NRDE2: variants seen among roughly 807,000 people sequenced by gnomAD.
NRDE2 encodes the protein NRDE-2, necessary for RNA interference, domain containing, also known as nuclear exosome regulator NRDE2.
Under a neutral mutation model 124.2 loss-of-function variants are expected in NRDE2, and 76 were observed. The ratio of observed to expected loss-of-function variants is 0.61; its 90% confidence interval spans 0.51 to 0.74. The LOEUF (loss-of-function observed/expected upper bound fraction) is 0.74. NRDE2 is among the 30% of genes least tolerant of loss of function. NRDE2 has a pLI of 0.00. For missense variants in NRDE2, 1,314 were observed against 1,417.3 expected (o/e 0.93, Z 1.17); for synonymous variants, 489 against 528.1 (o/e 0.93, Z 1.01).
At chr14:90,319,482 A>T (rs1442914785) in intron 1 of NRDE2, among the ~76,000 whole-genome samples, 1 of 152,072 alleles carries the variant, frequency 6.6e-6, no homozygotes, top group Non-Finnish European at 1.5e-5. Flanking sequence ...CACTCCTATC[A>T]CCCACCTCCT....
chr14:90,303,819 TTGTA>T (rs1488133981), intron 5 of NRDE2, 112 bp downstream of exon 5: 3 of 896,138 alleles, frequency 3.3e-6, no homozygotes, highest in Non-Finnish European at 5.2e-6. Context: ...CTAATAATCT[TTGTA>T]TGCCCAGTGT....
intron 1 of NRDE2, among the ~76,000 whole-genome samples, chr14:90,325,971 AT>A (rs1367473325): frequency 6.6e-6 from 1 of 152,014 alleles, no homozygotes; most frequent in Non-Finnish European, 1.5e-5. Flanking sequence ...ACTATTTTAC[AT>A]TTTTATAACA....
chr14:90,303,849 G>C lies in NRDE2; in HGVS notation c.1005+86C>G, dbSNP rs1386667992. 3 of 1,209,382 alleles carry C rather than the reference G, an allele frequency of 2.5e-6. No homozygotes were observed. In the East Asian group the frequency reaches 7.0e-5, roughly 28 times the overall value. 74.9% of individuals were successfully genotyped at this position (1,209,382 alleles called of 1,614,324 possible). A position where few individuals can be genotyped will look rare whatever the true frequency, so the allele number is the denominator to read the frequency against. ...TGCCCAGTGTCAAATTTCCTCATTTGCTCAAAAATTGCTGCACAGTCCATC... is the reference window on the plus strand; with the variant it reads ...TGCCCAGTGTCAAATTTCCTCATTTCCTCAAAAATTGCTGCACAGTCCATC... On this transcript the variant is annotated intron_variant, in intron 5 of 13. Coordinates refer to ENST00000354366, the MANE Select transcript of NRDE2 (RefSeq NM_017970.4).
Position 90,310,386 on chromosome 14 carries a change from A to G in NRDE2, c.557+2008T>C, listed in dbSNP as rs377693577. Reference sequence around the variant, plus strand: ...AACCTCTCTGCGATTCCTTTTCCTCATTTGTAAAATGAAGAGGGTTCTCCT... The same window carrying G: ...AACCTCTCTGCGATTCCTTTTCCTCGTTTGTAAAATGAAGAGGGTTCTCCT... On this transcript the variant is annotated intron_variant, in intron 4 of 13. Transcript: ENST00000354366. Among the ~76,000 whole-genome samples, 7 of 152,212 alleles carry G rather than the reference A, an allele frequency of 4.6e-5. No homozygotes were observed. In the East Asian group the frequency reaches 9.6e-4, roughly 21 times the overall value.
intron 3 of NRDE2, among the ~76,000 whole-genome samples, chr14:90,314,306 CT>C (rs1211640105): frequency 1.3e-5 from 2 of 152,216 alleles, no homozygotes; most frequent in African/African-American, 4.8e-5. Context: ...TCACAATTCA[CT>C]AATATTGTAG....
intron 12 of NRDE2, among the ~76,000 whole-genome samples, chr14:90,283,253 T>G (rs1892004705): frequency 6.6e-6 from 1 of 152,190 alleles, no homozygotes; most frequent in East Asian, 1.9e-4. Context: ...AATACTACCT[T>G]TCCAAAAAGA....
intron 1 of NRDE2, among the ~76,000 whole-genome samples, chr14:90,326,500 C>CAAAA (rs10684490): frequency 1.3e-5 from 1 of 78,832 alleles, no homozygotes; most frequent in South Asian, 4.5e-4. Context: ...GACTCTGTCT[C>CAAAA]AAAAAAAAAA....
In NRDE2 at chr14:90,301,228, G is replaced by C. The variant is rs753629409; in HGVS notation, c.1545+11C>G. 45 of 1,613,140 alleles carry C rather than the reference G, an allele frequency of 2.8e-5. No individual in the cohort carries two copies. Among genetic ancestry groups the C allele is most frequent in the Non-Finnish European group, 3.4e-5 (40 of 1,179,502 alleles). On this transcript the variant is annotated intron_variant, in intron 7 of 13. Coordinates refer to ENST00000354366, the MANE Select transcript of NRDE2 (RefSeq NM_017970.4). ...CAGGAAGAGAGAGATGAGGCGAGCA[G>C]AGCTGGGTACCTGTCCTTTGGTAGG...
rs1446533652 is a variant in NRDE2 at position 90,301,190 on chromosome 14, C to G, written c.1545+49G>C. ...TTATCCACACCTTCCCCCTCTCCCT[C>G]CAGAGAAAGAGCCAGGAAGAGAGAG... On this transcript the variant is annotated intron_variant, in intron 7 of 13. Transcript: ENST00000354366. The G allele has an allele frequency of 3.1e-6, 5 of 1,597,316 alleles. No homozygotes were observed. In the African/African-American group the frequency reaches 4.0e-5, roughly 13 times the overall value.
At chr14:90,295,306 TATA>T (rs759206727) in intron 8 of NRDE2, among the ~76,000 whole-genome samples, 17 of 152,200 alleles carry the variant, frequency 1.1e-4, no homozygotes, top group South Asian at 2.1e-4. Context: ...GTATACGTAG[TATA>T]ATAATAATAT....
At chr14:90,278,807 T>A in intron 13 of NRDE2, 1 of 558,514 alleles carries the variant, frequency 1.8e-6, no homozygotes, top group Non-Finnish European at 3.2e-6. Context: ...TGGGCTGGAC[T>A]CTGACCAAAT....
chr14:90,315,272 G>A (rs1323182064), intron 3 of NRDE2, among the ~76,000 whole-genome samples: 1 of 151,274 alleles, frequency 6.6e-6, no homozygotes, highest in Non-Finnish European at 1.5e-5. Flanking sequence ...TTGGGAGGCT[G>A]AGGCATGAGA....
intron 1 of NRDE2, among the ~76,000 whole-genome samples, chr14:90,319,506 G>A (rs927118065): frequency 4.1e-5 from 6 of 147,748 alleles, no homozygotes; most frequent in South Asian, 2.3e-4. Context: ...TCCCTGCCCC[G>A]CCCACCTCAC....
intron 4 of NRDE2, 57 bp downstream of exon 4, chr14:90,312,337 C>T (rs1282914603): frequency 1.4e-5 from 22 of 1,563,220 alleles, no homozygotes; most frequent in African/African-American, 1.2e-4. Flanking sequence ...AAGAGAGTTC[C>T]GAGGAGAAAA....
Position 90,271,561 on chromosome 14 carries a change from T to G in NRDE2, c.*6775A>C, listed in dbSNP as rs187232848. The G allele has an allele frequency of 6.6e-6, 1 of 152,340 alleles. No individual in the cohort carries two copies. Among genetic ancestry groups the G allele is most frequent in the Non-Finnish European group, 1.5e-5 (1 of 68,040 alleles). 9.4% of individuals were successfully genotyped at this position (152,340 alleles called of 1,614,324 possible). On this transcript the variant is annotated 3_prime_UTR_variant, in exon 14 of 14. Coordinates refer to ENST00000354366, the MANE Select transcript of NRDE2 (RefSeq NM_017970.4). ...ACTTACAGTATCTAACCAGAATACA[T>G]GTTCTTTTATGACTATAAGTAAATG...
intron 1 of NRDE2, among the ~76,000 whole-genome samples, chr14:90,326,373 A>G (rs1885438358): frequency 6.6e-6 from 1 of 151,972 alleles, no homozygotes; most frequent in Non-Finnish European, 1.5e-5. Flanking sequence ...GGGCGCCTGT[A>G]GTCCCAGCTA....
intron 4 of NRDE2, among the ~76,000 whole-genome samples, chr14:90,307,248 T>C (rs1340837224): frequency 2.6e-5 from 4 of 152,228 alleles, no homozygotes; most frequent in Admixed American, 2.6e-4. Context: ...TTGTATTGAC[T>C]TCAAACTGTT....
At chr14:90,331,538 A>C (rs535977065) in intron 1 of NRDE2, among the ~76,000 whole-genome samples, 1 of 152,350 alleles carries the variant, frequency 6.6e-6, no homozygotes, top group South Asian at 2.1e-4. Flanking sequence ...TCCCAATTTA[A>C]AGATGAAGTA....
chr14:90,309,250 G>A lies in NRDE2; in HGVS notation c.557+3144C>T, dbSNP rs867994711. 3.5e-4 allele frequency among the ~76,000 whole-genome samples: 53 copies of A among 151,554 alleles called. 1 individual carries two copies. The highest frequency in any genetic ancestry group is 1.0e-3 in the African/African-American group (42 of 41,276). On this transcript the variant is annotated intron_variant, in intron 4 of 13. Coordinates refer to ENST00000354366, the MANE Select transcript of NRDE2 (RefSeq NM_017970.4). ...GGGATGGAAGAATTAAATCCAAAGC[G>A]CCAGGCAATCAAGATGAATGCAGGC...
Sources: allele counts gnomAD v4.1 joint callset (sites outside exome capture counted in the v4.1 genomes callset), GRCh38; gene constraint gnomAD v4.1.1; transcripts MANE v1.5; gene names NCBI Gene and HGNC (gene_info 2026-07-23, HGNC 2026-07-21).